The following MRTFB variants were observed in gnomAD, a reference collection of about 807,000 sequenced individuals.
MRTFB encodes myocardin related transcription factor B, also known as myocardin-related transcription factor B.
A neutral mutation model predicts 104.2 loss-of-function variants in MRTFB; 29 were observed. The ratio of observed to expected loss-of-function variants is 0.28; its 90% confidence interval spans 0.21 to 0.38. The LOEUF is 0.38. Among genes scored for constraint, MRTFB ranks in the 10% least tolerant of loss-of-function variants. The pLI, the probability that MRTFB is intolerant of heterozygous loss-of-function variation, is 1.00. For missense variants in MRTFB, 1,270 were observed against 1,341.6 expected, an observed-to-expected ratio of 0.95 and a Z score of 0.83; for synonymous variants, 535 against 519.5, an observed-to-expected ratio of 1.03 and a Z score of -0.41.
intron 2 of MRTFB, among the ~76,000 whole-genome samples, chr16:14,091,637 C>A (rs960697408): frequency 6.6e-6 from 1 of 152,088 alleles, no homozygotes; most frequent in African/African-American, 2.4e-5. Context: ...CTGTGCACGT[C>A]CACTCTAGGC....
intron 3 of MRTFB, chr16:14,143,452 G>A (rs1315672223): frequency 5.3e-5 from 8 of 151,240 alleles, no homozygotes. Flanking sequence ...GCATGTTTTA[G>A]ACACAAATAA....
At chr16:14,005,423 C>T in the MRTFB span, among the ~76,000 whole-genome samples, 8 of 152,286 alleles carry the variant, frequency 5.3e-5, no homozygotes, top group South Asian at 1.7e-3. Context: ...GTGAGAGCCT[C>T]GTCCTCAGCA....
intron 2 of MRTFB, among the ~76,000 whole-genome samples, chr16:14,107,404 G>T (rs1392055898): frequency 6.6e-6 from 1 of 152,126 alleles, no homozygotes; most frequent in Non-Finnish European, 1.5e-5. Context: ...CCATCATTTT[G>T]CAGGACCACC....
intron 2 of MRTFB, among the ~76,000 whole-genome samples, chr16:14,082,703 C>T (rs192779568): frequency 6.6e-6 from 1 of 152,212 alleles, no homozygotes; most frequent in East Asian, 1.9e-4. Context: ...TTGCTTGAGC[C>T]AGGAGTTCGA....
intron 15 of MRTFB, 101 bp from the exon 16 acceptor site, chr16:14,258,000 A>G: frequency 1.0e-6 from 1 of 1,003,706 alleles, no homozygotes; most frequent in Non-Finnish European, 1.5e-6. Flanking sequence ...ATCACGATAG[A>G]TTAGAACTAA....
At chr16:14,258,439 T>C (rs1470471735) in intron 16 of MRTFB, among the ~76,000 whole-genome samples, 2 of 151,958 alleles carry the variant, frequency 1.3e-5, no homozygotes, top group East Asian at 3.9e-4. Context: ...TACAAAAAAT[T>C]TTAAAAATTA....
the MRTFB span, among the ~76,000 whole-genome samples, chr16:14,019,847 A>G: frequency 6.6e-6 from 1 of 152,230 alleles, no homozygotes; most frequent in Non-Finnish European, 1.5e-5. Context: ...GCTTACAGAA[A>G]TTCCAATGCT....
intron 2 of MRTFB, among the ~76,000 whole-genome samples, chr16:14,102,553 G>A (rs983793096): frequency 2.6e-5 from 4 of 152,168 alleles, no homozygotes; most frequent in African/African-American, 7.2e-5. Flanking sequence ...TAGAGTTTTT[G>A]TGTTTTCTAG....
rs534372715 is a variant in MRTFB at position 14,135,806 on chromosome 16, C to T, written c.-63-4738C>T. Among the ~76,000 whole-genome samples the T allele has an allele frequency of 4.3e-3, 653 of 152,324 alleles. 3 individuals carry two copies. Among genetic ancestry groups the T allele is most frequent in the African/African-American group, 0.015 (626 of 41,580 alleles). Reference sequence around the variant, plus strand: ...TGCACCAGCCTTATCTTCTACCACTCTGTGTCATGCCCTCTACACTGGCCC... The same window carrying T: ...TGCACCAGCCTTATCTTCTACCACTTTGTGTCATGCCCTCTACACTGGCCC... On this transcript the variant is annotated intron_variant, in intron 2 of 16. Transcript: ENST00000571589.
At chr16:14,140,443 A>G in intron 2 of MRTFB, 101 bp from the exon 3 acceptor site, 1 of 755,024 alleles carries the variant, frequency 1.3e-6, no homozygotes, top group Non-Finnish European at 2.1e-6. Flanking sequence ...ACCATACAGC[A>G]GTAAAACTGG....
chr16:14,006,411 G>T, the MRTFB span, among the ~76,000 whole-genome samples: 4 of 151,912 alleles, frequency 2.6e-5, no homozygotes, highest in African/African-American at 9.7e-5. Context: ...GGCTACTCCG[G>T]AGGCTGAGGC....
At chr16:14,221,085 C>G (rs2041679619) in intron 8 of MRTFB, among the ~76,000 whole-genome samples, 1 of 152,130 alleles carries the variant, frequency 6.6e-6, no homozygotes, top group Non-Finnish European at 1.5e-5. Context: ...AAAGATAATT[C>G]TTAAGTAGGA....
chr16:14,201,706 C>T (rs1157668396), intron 3 of MRTFB, among the ~76,000 whole-genome samples: 1 of 152,100 alleles, frequency 6.6e-6, no homozygotes, highest in Admixed American at 6.5e-5. Context: ...GGACCTTGAG[C>T]TAATAGAGCT....
intron 3 of MRTFB, 140 bp from the exon 4 acceptor site, chr16:14,210,103 G>A (rs747705579): frequency 2.9e-5 from 16 of 546,254 alleles, no homozygotes; most frequent in Non-Finnish European, 4.2e-5. Flanking sequence ...TACAACTTAC[G>A]TGGTGCCAGG....
chr16:14,211,411 A>C (rs544556722), intron 4 of MRTFB, among the ~76,000 whole-genome samples: 1 of 152,194 alleles, frequency 6.6e-6, no homozygotes, highest in African/African-American at 2.4e-5. Flanking sequence ...GGCTCCTGGG[A>C]GTCTTTGTGG....
chr16:14,140,746 A>G lies in MRTFB; in HGVS notation c.140A>G (p.Asn47Ser), dbSNP rs1210496107. 1.2e-5 allele frequency: 19 copies of G among 1,614,138 alleles called. No individual in the cohort carries two copies. The highest frequency in any genetic ancestry group is 1.6e-5 in the Non-Finnish European group (19 of 1,180,020). The change falls in exon 3 of 17, where the codon AAC becomes AGC. Residue 47 changes from asparagine (N) to serine (S), a missense_variant. Around this residue, in one of 3 missense-constraint regions of MRTFB, gnomAD observed 62 missense variants for 57.2 expected, o/e 1.08. Transcript: ENST00000571589. ...LQSSQNLPPL[N>S]ERKNVLQLRL... ...TCCAGTCAAAACTTACCCCCTCTGA[A>G]CGAAAGGAAAAATGGTGAGTTCAGC...
intron 2 of MRTFB, among the ~76,000 whole-genome samples, chr16:14,127,560 C>T (rs962102505): frequency 6.6e-6 from 1 of 150,622 alleles, no homozygotes; most frequent in Non-Finnish European, 1.5e-5. Context: ...AGGAGAATGG[C>T]GTGAACCCGG....
At chr16:14,149,569 T>A (rs912177437) in intron 3 of MRTFB, 1 of 152,210 alleles carries the variant, frequency 6.6e-6, no homozygotes, top group African/African-American at 2.4e-5. Context: ...TGTATCAGAA[T>A]ACTCCGCTCT....
At chr16:14,010,548 A>G in the MRTFB span, among the ~76,000 whole-genome samples, 1 of 151,946 alleles carries the variant, frequency 6.6e-6, no homozygotes. Context: ...TGATCCTCCC[A>G]CTTCAGCTTC....
Sources: gnomAD v4.1 joint callset for allele counts (sites outside exome capture counted in the v4.1 genomes callset) on GRCh38, gnomAD v4.1.1 for gene constraint, gnomAD v4.1.1 regional missense constraint, MANE v1.5 for transcripts, NCBI Gene and HGNC (gene_info 2026-07-23, HGNC 2026-07-21) for gene names.